The following MAPT variants were observed in gnomAD, a reference collection of about 807,000 sequenced individuals.
The protein encoded by MAPT is microtubule associated protein tau, also known as microtubule-associated protein tau.
MAPT carries 34 observed loss-of-function variants against 67.9 expected under a neutral mutation model. The observed-to-expected ratio is 0.50, with a 90% CI of 0.38 to 0.67. The LOEUF (loss-of-function observed/expected upper bound fraction) is 0.67, where lower values mean the gene tolerates loss of function less well. MAPT is among the 30% of genes least tolerant of loss of function. The pLI, the probability that MAPT is intolerant of heterozygous loss-of-function variation, is 0.00. For synonymous variants in MAPT, 456 were observed against 464.5 expected (o/e 0.98, Z 0.23); for missense variants, 881 against 1,115.2 (o/e 0.79, Z 2.99).
At chr17:45,986,446 C>T (rs192110883) in intron 5 of MAPT, among the ~76,000 whole-genome samples, 33 of 152,338 alleles carry the variant, frequency 2.2e-4, no homozygotes, top group Non-Finnish European at 4.4e-4. Context: ...GCAATCTAGC[C>T]ACATGGGCAG....
intron 10 of MAPT, among the ~76,000 whole-genome samples, chr17:46,013,992 C>T (rs914171163): frequency 1.3e-5 from 2 of 152,146 alleles, no homozygotes; most frequent in East Asian, 3.9e-4. Flanking sequence ...GGATTGAAGA[C>T]ACTCCAGTCC....
rs1246840496 is a variant in MAPT at position 45,995,545 on chromosome 17, G to A, written c.1733-854G>A. Among the ~76,000 whole-genome samples, 1 of 152,190 alleles carries A rather than the reference G, an allele frequency of 6.6e-6. No individual in the cohort carries two copies. The highest frequency in any genetic ancestry group is 2.4e-5 in the African/African-American group (1 of 41,440). On this transcript the variant is annotated intron_variant, in intron 8 of 12. Transcript: ENST00000262410. The surrounding 1 kb of genome is among the most constrained non-coding windows in gnomAD (Gnocchi z 4.3). ...GAAGTGTAACGGGGGCCTGGGAAGTGCAGTAACAGAAGCAAGTTTGAGGGT... is the reference window on the plus strand; with the variant it reads ...GAAGTGTAACGGGGGCCTGGGAAGTACAGTAACAGAAGCAAGTTTGAGGGT...
At chr17:45,957,534 A>T (rs1414371985) in intron 1 of MAPT, among the ~76,000 whole-genome samples, 1 of 152,212 alleles carries the variant, frequency 6.6e-6, no homozygotes, top group Non-Finnish European at 1.5e-5. Context: ...CAGCCCCAGC[A>T]CTGGCACCCC....
intron 9 of MAPT, among the ~76,000 whole-genome samples, chr17:46,006,462 G>A (rs1169319492): frequency 6.6e-6 from 1 of 152,042 alleles, no homozygotes; most frequent in Non-Finnish European, 1.5e-5. Context: ...AGAAAGTAGG[G>A]ATGGTTAATG....
At chr17:45,955,941 G>A (rs2145192239) in intron 1 of MAPT, among the ~76,000 whole-genome samples, 1 of 152,220 alleles carries the variant, frequency 6.6e-6, no homozygotes, top group Admixed American at 6.5e-5. Flanking sequence ...TCCCTATGTT[G>A]GCCAGGCTGG....
intron 1 of MAPT, among the ~76,000 whole-genome samples, chr17:45,902,749 C>T (rs1041111845): frequency 6.6e-6 from 1 of 152,204 alleles, no homozygotes; most frequent in Non-Finnish European, 1.5e-5. Flanking sequence ...ATTAACTCCC[C>T]TGAGGAAAGA....
chr17:45,909,846 G>C (rs938180547), intron 1 of MAPT, among the ~76,000 whole-genome samples: 1 of 138,386 alleles, frequency 7.2e-6, no homozygotes, highest in Non-Finnish European at 1.5e-5. Context: ...CTCCAGCCTG[G>C]TTGACAGAGC....
intron 1 of MAPT, among the ~76,000 whole-genome samples, chr17:45,914,452 C>A (rs755683065): frequency 6.6e-6 from 1 of 152,192 alleles, no homozygotes; most frequent in Non-Finnish European, 1.5e-5. Flanking sequence ...ATGGAGCGGT[C>A]CGTCTGCACT....
intron 1 of MAPT, among the ~76,000 whole-genome samples, chr17:45,934,715 T>G (rs992119346): frequency 1.3e-5 from 2 of 152,216 alleles, no homozygotes; most frequent in Admixed American, 6.5e-5. Flanking sequence ...GTGCAGCGGA[T>G]AGAACTCTGC....
At chr17:45,895,048 CGT>C (rs10593245) in intron 1 of MAPT, 44,699 of 133,194 alleles carry the variant, frequency 0.34, 6,993 homozygotes, top group East Asian at 0.45. Flanking sequence ...CCGCAATGGG[CGT>C]GTGTGTGTGT....
chr17:46,022,975 A>C (rs1486283648), intron 12 of MAPT, among the ~76,000 whole-genome samples: 1 of 152,196 alleles, frequency 6.6e-6, no homozygotes, highest in Non-Finnish European at 1.5e-5. Flanking sequence ...ACACATAAAA[A>C]GGCCTTTGTC....
At chr17:45,898,600 A>C (rs1158085079) in intron 1 of MAPT, 3 of 152,144 alleles carry the variant, frequency 2.0e-5, no homozygotes, top group Non-Finnish European at 4.4e-5. Flanking sequence ...CTCAGCATTT[A>C]TGTGTGTGGT....
At position 45,946,598 on chromosome 17, in the gene MAPT, T is replaced by TAA. The variant is rs763910082; in HGVS notation, c.-17-15706_-17-15705dup. 6.1e-3 allele frequency among the ~76,000 whole-genome samples: 371 copies of TAA among 60,842 alleles called. 4 individuals carry two copies. Among genetic ancestry groups the TAA allele is most frequent in the East Asian group, 0.025 (65 of 2,640 alleles). The allele number at this position is 60,842 out of a possible 152,430, so 39.9% of individuals were successfully genotyped here. A position where few individuals can be genotyped will look rare whatever the true frequency, so the allele number is the denominator to read the frequency against. On this transcript the variant is annotated intron_variant, in intron 1 of 12. Transcript: ENST00000262410. Reference sequence around the variant, plus strand: ...TGGGCGACCGAGGGGGACTCTGTCTTAAAAAAAAAAAAAAAAAATATATAT... The same window carrying TAA: ...TGGGCGACCGAGGGGGACTCTGTCTTAAAAAAAAAAAAAAAAAAAATATATAT...
Position 45,897,901 on chromosome 17 carries a change from G to T in MAPT, c.-18+3215G>T, listed in dbSNP as rs2063368357. ...GAGACAGGGAAATGTCTTTCCTACC[G>T]CGGTTGATTCTGGGGTGTCATTTTG... On this transcript the variant is annotated intron_variant, in intron 1 of 12. Transcript: ENST00000262410. The surrounding 1 kb of genome is among the most constrained non-coding windows in gnomAD (Gnocchi z 5.0). 1 of 152,152 alleles carries T rather than the reference G, an allele frequency of 6.6e-6. No homozygotes were observed. Among genetic ancestry groups the T allele is most frequent in the African/African-American group, 2.4e-5 (1 of 41,404 alleles). The allele number at this position is 152,152 out of a possible 1,614,324, so 9.4% of individuals were successfully genotyped here. A position where few individuals can be genotyped will look rare whatever the true frequency, so the allele number is the denominator to read the frequency against.
intron 2 of MAPT, among the ~76,000 whole-genome samples, chr17:45,969,556 T>C (rs2145428138): frequency 6.6e-6 from 1 of 150,562 alleles, no homozygotes; most frequent in African/African-American, 2.4e-5. Flanking sequence ...CATCCATCCA[T>C]CCATTCATCC....
At chr17:45,919,075 A>G (rs1040683412) in intron 1 of MAPT, among the ~76,000 whole-genome samples, 25 of 152,072 alleles carry the variant, frequency 1.6e-4, no homozygotes, top group African/African-American at 2.2e-4. Context: ...AAAAAAAAAA[A>G]AAAAGAAAAG....
At chr17:45,980,793 G>C (rs960926874) in intron 4 of MAPT, among the ~76,000 whole-genome samples, 4 of 152,164 alleles carry the variant, frequency 2.6e-5, no homozygotes, top group African/African-American at 9.7e-5. Flanking sequence ...CTGTCCTGTT[G>C]GGGCAGCATA....
intron 12 of MAPT, among the ~76,000 whole-genome samples, chr17:46,020,082 T>C (rs2146175275): frequency 6.6e-6 from 1 of 151,028 alleles, no homozygotes; most frequent in East Asian, 2.0e-4. Flanking sequence ...AAAAAGGAAG[T>C]GGACATCCCC....
rs145798179 is a variant in MAPT at position 45,941,440 on chromosome 17, A to G, written c.-17-20881A>G. ...TTCTCATTTCCTGGGTCTCCCCTTTAATGACTCTCAGAGACCCCTCCTTCC... is the reference window on the plus strand; with the variant it reads ...TTCTCATTTCCTGGGTCTCCCCTTTGATGACTCTCAGAGACCCCTCCTTCC... On this transcript the variant is annotated intron_variant, in intron 1 of 12. Transcript: ENST00000262410. 3.2e-3 allele frequency among the ~76,000 whole-genome samples: 486 copies of G among 152,020 alleles called. 3 individuals carry two copies. The highest frequency in any genetic ancestry group is 0.011 in the African/African-American group (460 of 41,450).
Sources: gnomAD v4.1 joint callset for allele counts (sites outside exome capture counted in the v4.1 genomes callset) on GRCh38, gnomAD v4.1.1 for gene constraint, Gnocchi (gnomAD v3.1) non-coding constraint, MANE v1.5 for transcripts, NCBI Gene and HGNC (gene_info 2026-07-23, HGNC 2026-07-21) for gene names.